DPP10: variants seen among roughly 807,000 people sequenced by gnomAD.
The protein encoded by DPP10 is dipeptidyl peptidase like 10, also known as inactive dipeptidyl peptidase 10.
DPP10 carries 33 observed loss-of-function variants against 120.9 expected under a neutral mutation model. That is an observed-to-expected ratio of 0.27 (90% confidence interval 0.21 to 0.37). DPP10 has a LOEUF of 0.37. DPP10 is among the 10% of genes least tolerant of loss of function. The pLI is 1.00. For synonymous variants in DPP10, 337 were observed against 326.1 expected (o/e 1.03, Z -0.36); for missense variants, 816 against 942.8 (o/e 0.87, Z 1.76).
intron 1 of DPP10, among the ~76,000 whole-genome samples, chr2:115,254,761 T>G (rs1559319956): frequency 2.0e-5 from 3 of 152,182 alleles, no homozygotes. Flanking sequence ...AATAGGGTAG[T>G]CATTAAACCT....
At chr2:114,663,543 T>C (rs1697612477) in intron 1 of DPP10, among the ~76,000 whole-genome samples, 1 of 150,144 alleles carries the variant, frequency 6.7e-6, no homozygotes, top group South Asian at 2.1e-4. Context: ...ATTTCAATGT[T>C]ATTTAGGACA....
At chr2:115,632,055 T>C (rs2085917323) in intron 5 of DPP10, among the ~76,000 whole-genome samples, 2 of 152,192 alleles carry the variant, frequency 1.3e-5, no homozygotes, top group African/African-American at 4.8e-5. Flanking sequence ...TAAGTCTCTT[T>C]GTAGGTCTCT....
chr2:115,328,554 C>T (rs893400867), intron 2 of DPP10, among the ~76,000 whole-genome samples: 1 of 151,956 alleles, frequency 6.6e-6, no homozygotes, highest in African/African-American at 2.4e-5. Context: ...TAAGATATAC[C>T]AGAAATTTGA....
At chr2:115,229,483 T>C (rs538017394) in intron 1 of DPP10, among the ~76,000 whole-genome samples, 1 of 152,102 alleles carries the variant, frequency 6.6e-6, no homozygotes, top group Non-Finnish European at 1.5e-5. Flanking sequence ...GTGGTTTTTG[T>C]TTCTTGTTTT....
chr2:114,570,950 C>A (rs963869100), intron 1 of DPP10, among the ~76,000 whole-genome samples: 1 of 151,466 alleles, frequency 6.6e-6, no homozygotes, highest in African/African-American at 2.4e-5. Context: ...GGCTGTCATG[C>A]ACAGGAGGAA....
chr2:115,690,644 C>A (rs2091266530), intron 7 of DPP10, among the ~76,000 whole-genome samples: 1 of 152,096 alleles, frequency 6.6e-6, no homozygotes, highest in East Asian at 1.9e-4. Context: ...AACTCCTGAC[C>A]TCAAGCGATC....
chr2:115,058,305 G>GCACACTC (rs1706108270), intron 1 of DPP10, among the ~76,000 whole-genome samples: 1 of 137,720 alleles, frequency 7.3e-6, no homozygotes, highest in Non-Finnish European at 1.6e-5. Flanking sequence ...AAAAAAAAAG[G>GCACACTC]CACACTCCTA....
In DPP10 at chr2:114,442,836, A is replaced by C. The variant is rs1266336634; in HGVS notation, c.58A>C (p.Lys20Gln). ...CAAGTGTCAACCCTCAAAAACAATC[A>C]AGGTAGGATCTGGTTTTTCCCTCTG... ...HIKCQPSKTIKELGSNSPPQR... is the reference protein window; with the variant it reads ...HIKCQPSKTIQELGSNSPPQR... Residue 20 changes from lysine to glutamine, a missense_variant and splice_region_variant, in exon 1 of 26, where the codon AAG becomes CAG. Around this residue, in one of 3 missense-constraint regions of DPP10, gnomAD observed 182 missense variants for 207.4 expected, o/e 0.88. Transcript: ENST00000410059. 1 of 1,613,326 alleles carries C rather than the reference A, an allele frequency of 6.2e-7. No homozygotes were observed. The highest frequency in any genetic ancestry group is 1.1e-5 in the South Asian group (1 of 91,070).
chr2:115,135,871 T>C (rs1029550947), intron 1 of DPP10, among the ~76,000 whole-genome samples: 2 of 152,166 alleles, frequency 1.3e-5, no homozygotes, highest in South Asian at 4.1e-4. Flanking sequence ...GTGATTCTCA[T>C]GCCAAAAGGG....
At chr2:115,623,898 T>C (rs1037127266) in intron 5 of DPP10, among the ~76,000 whole-genome samples, 1 of 147,204 alleles carries the variant, frequency 6.8e-6, no homozygotes, top group Non-Finnish European at 1.5e-5. Flanking sequence ...ACATTGTTGG[T>C]CAAGAATTGT....
At chr2:115,259,652 G>A (rs775723909) in intron 1 of DPP10, among the ~76,000 whole-genome samples, 36 of 152,116 alleles carry the variant, frequency 2.4e-4, no homozygotes, top group Non-Finnish European at 4.7e-4. Flanking sequence ...GGAAGTATAG[G>A]AAATATTTAT....
intron 1 of DPP10, among the ~76,000 whole-genome samples, chr2:115,171,090 G>A (rs2053284465): frequency 6.6e-6 from 1 of 152,188 alleles, no homozygotes; most frequent in South Asian, 2.1e-4. Flanking sequence ...GCTGGGCACA[G>A]TGGCTCGTGC....
chr2:115,782,450 A>T (rs750950908), intron 17 of DPP10, 51 bp downstream of exon 17: 5 of 1,513,864 alleles, frequency 3.3e-6, no homozygotes, highest in Non-Finnish European at 4.6e-6. Context: ...CATTAGTCTT[A>T]GACATCGTGT....
chr2:114,907,013 T>A (rs1694022712), intron 1 of DPP10, among the ~76,000 whole-genome samples: 1 of 152,202 alleles, frequency 6.6e-6, no homozygotes, highest in African/African-American at 2.4e-5. Context: ...ATGATTTGTT[T>A]CAATCCATTC....
chr2:114,913,592 A>G (rs1694551137), intron 1 of DPP10, among the ~76,000 whole-genome samples: 1 of 152,222 alleles, frequency 6.6e-6, no homozygotes, highest in Non-Finnish European at 1.5e-5. Context: ...TGGCAATTTT[A>G]AAGATTAAGG....
At chr2:115,672,658 T>C (rs199646809) in intron 5 of DPP10, among the ~76,000 whole-genome samples, 3 of 85,698 alleles carry the variant, frequency 3.5e-5, no homozygotes, top group African/African-American at 7.9e-5. Flanking sequence ...CTCTCTTTCT[T>C]TCTTTCTTTC....
chr2:114,650,142 G>A (rs906341560), intron 1 of DPP10, among the ~76,000 whole-genome samples: 1 of 152,176 alleles, frequency 6.6e-6, no homozygotes, highest in Admixed American at 6.5e-5. Context: ...AGTTTGTGAA[G>A]TACGGTGTTT....
At chr2:114,896,204 C>A (rs1015970846) in intron 1 of DPP10, among the ~76,000 whole-genome samples, 6 of 152,146 alleles carry the variant, frequency 3.9e-5, no homozygotes, top group Non-Finnish European at 7.4e-5. Context: ...TTAGGATTGA[C>A]TTGGCGATGC....
chr2:115,496,940 TA>T (rs1267963943), intron 3 of DPP10, among the ~76,000 whole-genome samples: 1 of 151,896 alleles, frequency 6.6e-6, no homozygotes, highest in Non-Finnish European at 1.5e-5. Flanking sequence ...GGGATGCAAT[TA>T]TAAAAGTGTG....
Sources: allele counts gnomAD v4.1 joint callset (sites outside exome capture counted in the v4.1 genomes callset), GRCh38; gene constraint gnomAD v4.1.1; regional missense constraint gnomAD v4.1.1; transcripts MANE v1.5; gene names NCBI Gene and HGNC (gene_info 2026-07-23, HGNC 2026-07-21).